The following HUWE1 variants were observed in gnomAD, a reference collection of about 807,000 sequenced individuals.
HUWE1 encodes E3 ubiquitin-protein ligase HUWE1.
A neutral mutation model predicts 299.4 loss-of-function variants in HUWE1; 18 were observed. That is an observed-to-expected ratio of 0.06 (90% CI 0.04 to 0.09). The LOEUF (loss-of-function observed/expected upper bound fraction) is 0.09, where lower values mean the gene tolerates loss of function less well. Among genes scored for constraint, HUWE1 ranks in the 10% least tolerant of loss-of-function variants. HUWE1 has a pLI of 1.00. For missense variants in HUWE1, 1,832 were observed against 3,462.3 expected (o/e 0.53, Z 11.82); for synonymous variants, 1,317 against 1,286.1 (o/e 1.02, Z -0.51).
At chrX:53,634,329 A>G in intron 7 of HUWE1, 31 bp from the exon 8 acceptor site, 1 of 1,115,081 alleles carries the variant, frequency 9.0e-7, no homozygotes. Context: ...GTGTTAAGAC[A>G]GTGCTTATGG....
intron 2 of HUWE1, chrX:53,683,985 G>C: frequency 3.4e-6 from 1 of 295,950 alleles, no homozygotes; most frequent in East Asian, 4.8e-5. Flanking sequence ...GGCTACTGCA[G>C]TCAGTAACCG....
intron 4 of HUWE1, among the ~76,000 whole-genome samples, chrX:53,650,274 T>C (rs902040968): frequency 3.6e-5 from 4 of 112,368 alleles, no homozygotes; most frequent in African/African-American, 1.3e-4. Flanking sequence ...TCCTCTTTCT[T>C]CACAGTGTGT....
At chrX:53,658,967 T>C (rs2068875534) in intron 3 of HUWE1, among the ~76,000 whole-genome samples, 1 of 112,219 alleles carries the variant, frequency 8.9e-6, no homozygotes, top group Admixed American at 9.4e-5. Flanking sequence ...GAAAAGATAC[T>C]CCACATCATA....
chrX:53,653,170 A>C (rs2068571852), intron 4 of HUWE1, among the ~76,000 whole-genome samples: 1 of 112,371 alleles, frequency 8.9e-6, no homozygotes, highest in African/African-American at 3.2e-5. Context: ...AACAAAAAAA[A>C]CTGGAAGAAA....
intron 29 of HUWE1, among the ~76,000 whole-genome samples, chrX:53,597,381 G>A (rs1396939603): frequency 9.5e-6 from 1 of 104,968 alleles, no homozygotes; most frequent in Non-Finnish European, 1.9e-5. Context: ...AGGAATAGAA[G>A]TGAGCAGAAG....
intron 49 of HUWE1, 93 bp from the exon 50 acceptor site, chrX:53,565,332 C>T: frequency 1.2e-6 from 1 of 844,062 alleles, no homozygotes; most frequent in East Asian, 3.4e-5. Flanking sequence ...ATGGAATCTA[C>T]TAAGAGAAAA....
chrX:53,536,373 T>C lies in HUWE1; in HGVS notation c.12425+7A>G, dbSNP rs782542384. The C allele has an allele frequency of 8.3e-7, 1 of 1,210,611 alleles. No homozygotes were observed. The highest frequency in any genetic ancestry group is 3.0e-5 in the East Asian group (1 of 33,836). ...AAGACAGTCCCAGGACTATGCCTCA[T>C]CCTCACCTGACTGACTTGCCCAAGA... On this transcript the variant is annotated splice_region_variant and intron_variant, in intron 79 of 83. Transcript: ENST00000262854.
Position 53,595,267 on chromosome X carries a change from T to C in HUWE1, c.3300A>G (p.Ser1100=). 8.3e-7 allele frequency: 1 copy of C among 1,211,265 alleles called. No individual in the cohort carries two copies. The highest frequency in any genetic ancestry group is 1.1e-6 in the Non-Finnish European group (1 of 895,430). The part of the protein sequence containing the change: ...TTTAPTPAAR[S]TASALTKLLT... ...AGAGCTTAGTGAGAGCTGAGGCTGTTGATCGCGCGGCAGGTGTCGGTGCTG... is the reference window on the plus strand; with the variant it reads ...AGAGCTTAGTGAGAGCTGAGGCTGTCGATCGCGCGGCAGGTGTCGGTGCTG... The change falls in exon 30 of 84, where the codon TCA becomes TCG. Residue 1100 remains serine (S), a synonymous_variant. Coordinates refer to ENST00000262854, the MANE Select transcript of HUWE1 (RefSeq NM_031407.7).
Position 53,561,795 on chromosome X carries a change from C to T in HUWE1, c.7468G>A (p.Asp2490Asn). The change falls in exon 55 of 84, where the codon GAT (aspartate) becomes AAT (asparagine). Residue 2490 changes from aspartate to asparagine, a missense_variant. Around this residue, in one of 15 missense-constraint regions of HUWE1, gnomAD observed 170 missense variants for 335.8 expected, o/e 0.51. Coordinates refer to ENST00000262854, the MANE Select transcript of HUWE1 (RefSeq NM_031407.7). ...VRFERFDRED[D>N]LIIEFDNMFS... is the part of the protein sequence containing the mutation. ...ATGTTGTCAAACTCAATGATGAGAT[C>T]ATCCTCCCGGTCAAAGCGCTCAAAT... 1 of 1,211,185 alleles carries T rather than the reference C, an allele frequency of 8.3e-7. No homozygotes were observed. The highest frequency in any genetic ancestry group is 1.8e-5 in the South Asian group (1 of 56,963).
chrX:53,678,770 T>C (rs1330838162), intron 3 of HUWE1, among the ~76,000 whole-genome samples: 1 of 111,825 alleles, frequency 8.9e-6, no homozygotes, highest in Non-Finnish European at 1.9e-5. Flanking sequence ...CATTATAAAG[T>C]AGTATAAAAA....
At chrX:53,660,812 T>C (rs1282676078) in intron 3 of HUWE1, among the ~76,000 whole-genome samples, 1 of 111,444 alleles carries the variant, frequency 9.0e-6, no homozygotes, top group Non-Finnish European at 1.9e-5. Flanking sequence ...AAAGTCCAAT[T>C]GAAGTATTCC....
At position 53,580,878 on chromosome X, in the gene HUWE1, T is replaced by C. The variant is rs2063584045; in HGVS notation, c.5669A>G (p.Asn1890Ser). ...AGGAAGGGCGATGCGGATACAGCAG[T>C]TGGCCACTTCTGTGAATATGTCTGG... is the stretch of plus-strand genomic sequence containing the variant. ...RNPDIFTEVA[N>S]CCIRIALPAP... Residue 1890 changes from asparagine (N) to serine (S), a missense_variant, in exon 43 of 84, where the codon AAC (asparagine) becomes AGC (serine). Physicochemically the swap from Asn to Ser is conservative, Grantham distance 46. Around this residue, in one of 15 missense-constraint regions of HUWE1, gnomAD observed 47 missense variants for 45.8 expected, o/e 1.03. Transcript: ENST00000262854. The C allele has an allele frequency of 6.6e-6, 8 of 1,209,784 alleles. No homozygotes were observed. The highest frequency in any genetic ancestry group is 8.9e-6 in the Non-Finnish European group (8 of 895,175).
At chrX:53,679,475 A>AG (rs782561898) in intron 3 of HUWE1, among the ~76,000 whole-genome samples, 2 of 112,079 alleles carry the variant, frequency 1.8e-5, no homozygotes, top group South Asian at 7.4e-4. Context: ...TAATCCATTG[A>AG]GGGGGGCAGT....
At position 53,551,892 on chromosome X, in the gene HUWE1, G is replaced by A. The variant is rs782245286; in HGVS notation, c.8882-412C>T. ...CTCCTTGAGGGAAACCAGTGTATAT[G>A]TCTTCACTGCTTGCAAGACATGGGA... is the stretch of plus-strand genomic sequence containing the variant. On this transcript the variant is annotated intron_variant, in intron 63 of 83. Transcript: ENST00000262854. Among the ~76,000 whole-genome samples the A allele has an allele frequency of 3.6e-5, 4 of 111,432 alleles. No individual in the cohort carries two copies. The East Asian group carries it at 1.1e-3, about 32-fold the overall frequency.
intron 3 of HUWE1, among the ~76,000 whole-genome samples, chrX:53,667,618 G>A (rs1001942919): frequency 4.9e-4 from 55 of 112,045 alleles, no homozygotes; most frequent in African/African-American, 1.7e-3. Context: ...TCACACCATC[G>A]TAAAGTCAAA....
At chrX:53,605,290 C>T (rs2065088233) in intron 25 of HUWE1, among the ~76,000 whole-genome samples, 1 of 112,071 alleles carries the variant, frequency 8.9e-6, no homozygotes, top group Non-Finnish European at 1.9e-5. Context: ...AAGGATTATA[C>T]GACCCTTGTG....
At chrX:53,611,481 T>A in intron 23 of HUWE1, among the ~76,000 whole-genome samples, 1 of 111,937 alleles carries the variant, frequency 8.9e-6, no homozygotes, top group Non-Finnish European at 1.9e-5. Flanking sequence ...CATAATAATA[T>A]GATGACAGAA....
At chrX:53,660,168 G>A (rs138655569) in intron 3 of HUWE1, among the ~76,000 whole-genome samples, 365 of 111,924 alleles carry the variant, frequency 3.3e-3, no homozygotes, top group African/African-American at 0.011. Flanking sequence ...AGGAAGCTAG[G>A]GAGCCTGGAA....
At chrX:53,558,239 C>G (rs1038960613) in intron 59 of HUWE1, among the ~76,000 whole-genome samples, 4 of 111,599 alleles carry the variant, frequency 3.6e-5, no homozygotes, top group Non-Finnish European at 7.5e-5. Context: ...TGATCTGACA[C>G]CTAGGCTGAT....
Sources: allele counts gnomAD v4.1 joint callset (sites outside exome capture counted in the v4.1 genomes callset), GRCh38; gene constraint gnomAD v4.1.1; regional missense constraint gnomAD v4.1.1; transcripts MANE v1.5; gene names NCBI Gene and HGNC (gene_info 2026-07-23, HGNC 2026-07-21).